The following RGS7 variants were observed in gnomAD, a reference collection of about 807,000 sequenced individuals.
RGS7 encodes the protein regulator of G-protein signaling 7.
Under a neutral mutation model 81.1 loss-of-function variants are expected in RGS7, and 27 were observed. The observed-to-expected ratio is 0.33, with a 90% CI of 0.25 to 0.46. The LOEUF (loss-of-function observed/expected upper bound fraction) is 0.46. Among genes scored for constraint, RGS7 ranks in the 20% least tolerant of loss-of-function variants. The probability of loss-of-function intolerance (pLI) is 1.00; values close to 1 mark genes in which losing one functional copy is unlikely to be tolerated. For synonymous variants in RGS7, 208 were observed against 207.7 expected (o/e 1.00, Z -0.01); for missense variants, 396 against 607.4 (o/e 0.65, Z 3.66).
At chr1:241,279,134 T>C (rs1416590169) in intron 2 of RGS7, among the ~76,000 whole-genome samples, 1 of 151,118 alleles carries the variant, frequency 6.6e-6, no homozygotes, top group Non-Finnish European at 1.5e-5. Context: ...ATAATATATA[T>C]AATATAACAT....
intron 2 of RGS7, among the ~76,000 whole-genome samples, chr1:241,336,723 A>C (rs2082266609): frequency 6.6e-6 from 1 of 152,240 alleles, no homozygotes; most frequent in Admixed American, 6.5e-5. Context: ...TAATGTGAAG[A>C]AGTGGAAGTT....
chr1:241,084,082 A>T (rs1161911529), intron 3 of RGS7, among the ~76,000 whole-genome samples: 1 of 152,234 alleles, frequency 6.6e-6, no homozygotes, highest in East Asian at 1.9e-4. Context: ...AATTAAATGC[A>T]GACTGTCCTC....
chr1:241,148,765 CAG>C (rs1409304801), intron 2 of RGS7, among the ~76,000 whole-genome samples: 3 of 152,202 alleles, frequency 2.0e-5, no homozygotes, highest in Non-Finnish European at 4.4e-5. Flanking sequence ...TACATAAAAA[CAG>C]AATATACTAT....
chr1:241,338,478 C>A (rs537639055), intron 2 of RGS7, among the ~76,000 whole-genome samples: 10 of 152,194 alleles, frequency 6.6e-5, no homozygotes, highest in African/African-American at 2.4e-4. Flanking sequence ...ACATGAGGAA[C>A]CAATTTCCAG....
intron 3 of RGS7, among the ~76,000 whole-genome samples, chr1:241,091,275 A>G (rs976966975): frequency 6.6e-6 from 1 of 151,934 alleles, no homozygotes; most frequent in African/African-American, 2.4e-5. Context: ...CTGGCCGGGC[A>G]CTGTGGCTCA....
intron 6 of RGS7, among the ~76,000 whole-genome samples, chr1:240,915,989 C>T (rs746448612): frequency 2.6e-5 from 4 of 151,268 alleles, no homozygotes; most frequent in Admixed American, 6.6e-5. Context: ...AAATGTCAGG[C>T]GCAGTGGCTC....
rs961201846 is a variant in RGS7 at position 241,151,230 on chromosome 1, C to T, written c.79-52468G>A. Among the ~76,000 whole-genome samples, 9 of 152,294 alleles carry T rather than the reference C, an allele frequency of 5.9e-5. 2 individuals are homozygous for T. In the South Asian group the frequency reaches 1.9e-3, roughly 32 times the overall value. ...AGTTGACACCTAAAATTAGCTATCA[C>T]GCAGACTGATGTCTGATTTGTGCTA... On this transcript the variant is annotated intron_variant, in intron 2 of 18. Coordinates refer to ENST00000440928, the MANE Select transcript of RGS7 (RefSeq NM_001364886.1).
At chr1:240,855,523 C>T (rs941779398) in intron 9 of RGS7, among the ~76,000 whole-genome samples, 7 of 151,436 alleles carry the variant, frequency 4.6e-5, no homozygotes, top group Admixed American at 6.6e-5. Flanking sequence ...CTTGACCTCC[C>T]GGGCTCGAGT....
intron 2 of RGS7, among the ~76,000 whole-genome samples, chr1:241,121,325 G>A (rs2066238974): frequency 6.6e-6 from 1 of 152,216 alleles, no homozygotes; most frequent in South Asian, 2.1e-4. Context: ...TTGTTTTGCA[G>A]GAGAATTTCA....
intron 3 of RGS7, among the ~76,000 whole-genome samples, chr1:241,007,648 G>C (rs2058740804): frequency 6.6e-6 from 1 of 152,208 alleles, no homozygotes; most frequent in African/African-American, 2.4e-5. Flanking sequence ...GTATGAGTAT[G>C]TGTATTCCTT....
chr1:241,004,773 G>A (rs1009856248), intron 3 of RGS7, among the ~76,000 whole-genome samples: 8 of 152,128 alleles, frequency 5.3e-5, no homozygotes, highest in Non-Finnish European at 1.2e-4. Flanking sequence ...AGCTCTCTCT[G>A]GACTGGGGGT....
At position 241,068,238 on chromosome 1, in the gene RGS7, G is replaced by GTGTGTATATA; in HGVS notation, c.175+30427_175+30428insTATATACACA. On this transcript the variant is annotated intron_variant, in intron 3 of 18. Coordinates refer to ENST00000440928, the MANE Select transcript of RGS7 (RefSeq NM_001364886.1). ...CTATCCATAAATTGTGTGTGTGTGTGTATATATATATATATATATAAAATA... is the reference window on the plus strand; with the variant it reads ...CTATCCATAAATTGTGTGTGTGTGTGTGTGTATATATATATATATATATATATATAAAATA... Among the ~76,000 whole-genome samples, 30 of 35,674 alleles carry GTGTGTATATA rather than the reference G, an allele frequency of 8.4e-4. 1 individual carries two copies. The highest frequency in any genetic ancestry group is 2.2e-3 in the African/African-American group (23 of 10,520). 23.4% of individuals were successfully genotyped at this position (35,674 alleles called of 152,430 possible).
intron 2 of RGS7, among the ~76,000 whole-genome samples, chr1:241,275,984 G>T (rs191691115): frequency 1.0e-3 from 153 of 152,288 alleles, no homozygotes; most frequent in Middle Eastern, 3.4e-3. Context: ...ACCTTATACA[G>T]GCTTGCGTGG....
At chr1:241,129,405 T>C (rs1214702834) in intron 2 of RGS7, among the ~76,000 whole-genome samples, 1 of 151,898 alleles carries the variant, frequency 6.6e-6, no homozygotes, top group Non-Finnish European at 1.5e-5. Context: ...GTATTCTGAC[T>C]CTACATTCAT....
intron 3 of RGS7, among the ~76,000 whole-genome samples, chr1:241,080,447 A>C (rs941526795): frequency 1.1e-4 from 16 of 152,198 alleles, no homozygotes; most frequent in Non-Finnish European, 2.1e-4. Flanking sequence ...AATCTAACAT[A>C]AGTAATTTTT....
chr1:241,301,254 G>A (rs1237219986), intron 2 of RGS7, among the ~76,000 whole-genome samples: 2 of 152,228 alleles, frequency 1.3e-5, no homozygotes, highest in African/African-American at 4.8e-5. Flanking sequence ...AAAGAAAGCT[G>A]TGTGGAAATG....
intron 2 of RGS7, among the ~76,000 whole-genome samples, chr1:241,221,096 G>A (rs199664648): frequency 1.4e-3 from 139 of 97,526 alleles, no homozygotes; most frequent in East Asian, 8.2e-3. Flanking sequence ...AGGAAGAAAG[G>A]AAGGAAGGAA....
intron 2 of RGS7, among the ~76,000 whole-genome samples, chr1:241,125,641 A>C (rs1167312968): frequency 6.6e-6 from 1 of 152,178 alleles, no homozygotes; most frequent in African/African-American, 2.4e-5. Flanking sequence ...AACAAAAAAA[A>C]CACTCTCTTT....
At chr1:240,944,276 GTGTGTGTATATATATA>G (rs1343918302) in intron 4 of RGS7, among the ~76,000 whole-genome samples, 6 of 18,838 alleles carry the variant, frequency 3.2e-4, no homozygotes, top group Admixed American at 1.4e-3. Flanking sequence ...GTGTGTGTGT[GTGTGTGTATATATATA>G]TATATATATA....
Sources: gnomAD v4.1 joint callset for allele counts (sites outside exome capture counted in the v4.1 genomes callset) on GRCh38, gnomAD v4.1.1 for gene constraint, MANE v1.5 for transcripts, NCBI Gene and HGNC (gene_info 2026-07-23, HGNC 2026-07-21) for gene names.